LRP1B: variants seen among roughly 807,000 people sequenced by gnomAD.
LRP1B encodes the protein low-density lipoprotein receptor-related protein 1B.
LRP1B carries 217 observed loss-of-function variants against 556.6 expected under a neutral mutation model. The ratio of observed to expected loss-of-function variants is 0.39; its 90% CI spans 0.35 to 0.44. LRP1B has a LOEUF of 0.44. Among genes scored for constraint, LRP1B ranks in the 20% least tolerant of loss-of-function variants. The pLI is 1.00. For synonymous variants in LRP1B, 2,047 were observed against 1,865.8 expected, an observed-to-expected ratio of 1.10 and a Z score of -2.50; for missense variants, 5,053 against 5,620.8, an observed-to-expected ratio of 0.90 and a Z score of 3.23.
chr2:141,534,918 G>A (rs532662797), intron 2 of LRP1B, among the ~76,000 whole-genome samples: 8 of 152,170 alleles, frequency 5.3e-5, no homozygotes, highest in Admixed American at 1.3e-4. Flanking sequence ...CTTCCTTTTT[G>A]TCTCCTGGTG....
At chr2:140,569,333 TAA>T (rs1339308543) in intron 43 of LRP1B, among the ~76,000 whole-genome samples, 1 of 151,740 alleles carries the variant, frequency 6.6e-6, no homozygotes, top group Non-Finnish European at 1.5e-5. Flanking sequence ...CTTTGACCTA[TAA>T]AGACAAACAT....
intron 1 of LRP1B, among the ~76,000 whole-genome samples, chr2:142,102,653 C>T (rs1209881888): frequency 1.3e-5 from 2 of 151,636 alleles, no homozygotes; most frequent in Non-Finnish European, 2.9e-5. Context: ...AAATCTTTTG[C>T]TATGAAACTC....
chr2:141,699,392 C>T (rs963107677), intron 2 of LRP1B, among the ~76,000 whole-genome samples: 3 of 151,742 alleles, frequency 2.0e-5, no homozygotes, highest in East Asian at 1.9e-4. Context: ...TACACAGATA[C>T]GTTTTCTTTA....
chr2:141,387,864 G>T (rs575590145), intron 3 of LRP1B, among the ~76,000 whole-genome samples: 1 of 152,030 alleles, frequency 6.6e-6, no homozygotes, highest in African/African-American at 2.4e-5. Flanking sequence ...AAAGAAAACT[G>T]CATACCAATA....
intron 1 of LRP1B, among the ~76,000 whole-genome samples, chr2:141,918,697 TA>T (rs1329037512): frequency 6.6e-6 from 1 of 152,136 alleles, no homozygotes; most frequent in East Asian, 1.9e-4. Context: ...GGCCTCCTAA[TA>T]AAAGGGAAAG....
chr2:140,669,159 T>C (rs1685393957), intron 41 of LRP1B, among the ~76,000 whole-genome samples: 1 of 152,178 alleles, frequency 6.6e-6, no homozygotes, highest in African/African-American at 2.4e-5. Flanking sequence ...GACATGGTAG[T>C]AGGAATTTAA....
chr2:141,053,654 A>T (rs1699099492), intron 10 of LRP1B, among the ~76,000 whole-genome samples: 1 of 151,940 alleles, frequency 6.6e-6, no homozygotes, highest in South Asian at 2.1e-4. Context: ...TTTTGTAGGC[A>T]CCTATTTACA....
chr2:141,813,842 T>A (rs945106688), intron 1 of LRP1B, among the ~76,000 whole-genome samples: 3 of 152,138 alleles, frequency 2.0e-5, no homozygotes, highest in African/African-American at 7.2e-5. Context: ...CAGAGATTTA[T>A]TAAGTGACAG....
At chr2:141,093,191 T>C (rs1012797354) in intron 7 of LRP1B, among the ~76,000 whole-genome samples, 2 of 151,994 alleles carry the variant, frequency 1.3e-5, no homozygotes, top group Non-Finnish European at 2.9e-5. Context: ...AGGAAACTCA[T>C]GGATAAAGGA....
chr2:141,251,414 A>G (rs985097415), intron 4 of LRP1B, among the ~76,000 whole-genome samples: 15 of 152,126 alleles, frequency 9.9e-5, no homozygotes, highest in Admixed American at 2.0e-4. Flanking sequence ...GTGGATAATA[A>G]AGGAGGAGGG....
intron 43 of LRP1B, among the ~76,000 whole-genome samples, chr2:140,577,669 AC>A (rs1305148846): frequency 1.3e-5 from 2 of 151,764 alleles, no homozygotes; most frequent in Non-Finnish European, 2.9e-5. Flanking sequence ...GATTTTCCCC[AC>A]CCCCCAGCCT....
At chr2:141,323,086 T>C (rs1459207546) in intron 3 of LRP1B, among the ~76,000 whole-genome samples, 2 of 152,126 alleles carry the variant, frequency 1.3e-5, no homozygotes, top group Non-Finnish European at 2.9e-5. Context: ...TTACTATTAC[T>C]ACTGCTGCTG....
chr2:141,774,429 A>C (rs1331974340), intron 2 of LRP1B, among the ~76,000 whole-genome samples: 1 of 152,102 alleles, frequency 6.6e-6, no homozygotes, highest in Non-Finnish European at 1.5e-5. Flanking sequence ...TCTTGTGTGC[A>C]CTAATGAGAC....
chr2:141,526,599 T>C (rs1211739684), intron 2 of LRP1B, among the ~76,000 whole-genome samples: 3 of 152,028 alleles, frequency 2.0e-5, no homozygotes, highest in African/African-American at 7.2e-5. Context: ...AAGTGACTAT[T>C]ATAACCTTAC....
intron 89 of LRP1B, among the ~76,000 whole-genome samples, chr2:140,235,092 C>T (rs1369952855): frequency 2.0e-5 from 3 of 151,068 alleles, no homozygotes; most frequent in Non-Finnish European, 4.4e-5. Flanking sequence ...AATATTGGAT[C>T]TTTGCTTCAT....
At position 140,315,512 on chromosome 2, in the gene LRP1B, C is replaced by T. The variant is rs544054745; in HGVS notation, c.12641-413G>A. Among the ~76,000 whole-genome samples, 4 of 152,152 alleles carry T rather than the reference C, an allele frequency of 2.6e-5. No individual in the cohort carries two copies. In the South Asian group the frequency reaches 8.3e-4, roughly 32 times the overall value. On this transcript the variant is annotated intron_variant, in intron 82 of 90. Coordinates refer to ENST00000389484, the MANE Select transcript of LRP1B (RefSeq NM_018557.3). The stretch of plus-strand genomic sequence containing the variant: ...ACTGCAGCCTCAACTTCCTGGGCTC[C>T]AGTGATCCTCCCACCTCCACTTTCC...
intron 2 of LRP1B, among the ~76,000 whole-genome samples, chr2:141,576,481 G>C (rs12997685): frequency 0.076 from 11,511 of 152,154 alleles, 558 homozygotes; most frequent in South Asian, 0.14. Context: ...GAACTTAGAG[G>C]ACGGGTCAAT....
intron 2 of LRP1B, among the ~76,000 whole-genome samples, chr2:141,542,621 CT>C (rs1435229652): frequency 2.0e-5 from 3 of 152,006 alleles, no homozygotes; most frequent in African/African-American, 7.2e-5. Context: ...AAATTAGAGC[CT>C]CCAAGTATTG....
At chr2:142,014,157 C>T (rs2105161156) in intron 1 of LRP1B, among the ~76,000 whole-genome samples, 1 of 137,588 alleles carries the variant, frequency 7.3e-6, no homozygotes, top group African/African-American at 3.6e-5. Context: ...TGTGGAGTAG[C>T]TGTACTTTCA....
Sources: gnomAD v4.1 joint callset for allele counts (sites outside exome capture counted in the v4.1 genomes callset) on GRCh38, gnomAD v4.1.1 for gene constraint, MANE v1.5 for transcripts, NCBI Gene and HGNC (gene_info 2026-07-23, HGNC 2026-07-21) for gene names.